GALR1: variants seen among roughly 807,000 people sequenced by gnomAD.
GALR1 encodes the protein galanin receptor type 1.
Under a neutral mutation model 17.9 loss-of-function variants are expected in GALR1, and 11 were observed. The ratio of observed to expected loss-of-function variants is 0.62; its 90% CI spans 0.39 to 1.02. The LOEUF is 1.02. Ranked by LOEUF, GALR1 falls within the 50% of genes least tolerant of loss-of-function variation. The pLI is 0.01. For missense variants in GALR1, 441 were observed against 456.9 expected (o/e 0.97, Z 0.32); for synonymous variants, 206 against 205.7 (o/e 1.00, Z -0.01).
In GALR1 at chr18:77,270,200, T is replaced by G. The variant is rs1350304925; in HGVS notation, c.*1298T>G. On this transcript the variant is annotated 3_prime_UTR_variant, in exon 3 of 3. Transcript: ENST00000299727. ...TTAGGAGGCAACAAAAGCAAGAAGT[T>G]TTTTTTTTGTTTGTTTGTTAAAAAG... The G allele has an allele frequency of 6.6e-6, 1 of 151,376 alleles. No individual in the cohort carries two copies. The highest frequency in any genetic ancestry group is 1.9e-4 in the East Asian group (1 of 5,188). The allele number at this position is 151,376 out of a possible 1,614,324, so 9.4% of individuals were successfully genotyped here.
At chr18:77,252,980 T>TCACCACCAC (rs1912494442) in intron 1 of GALR1, among the ~76,000 whole-genome samples, 1 of 23,038 alleles carries the variant, frequency 4.3e-5, no homozygotes, top group Non-Finnish European at 8.9e-5. Context: ...ATCACCACCA[T>TCACCACCAC]CACCACCATC....
In GALR1 at chr18:77,256,239, A is replaced by G; in HGVS notation, c.732+16A>G. On this transcript the variant is annotated intron_variant, in intron 2 of 2. Coordinates refer to ENST00000299727, the MANE Select transcript of GALR1 (RefSeq NM_001480.4). ...CAAGAAAAAGGTAATGATCACAAAT[A>G]TATATATATATGTTACTTTTCAGAG... 7.4e-7 allele frequency: 1 copy of G among 1,345,204 alleles called. No homozygotes were observed. The highest frequency in any genetic ancestry group is 1.7e-5 in the Admixed American group (1 of 58,252). The allele number at this position is 1,345,204 out of a possible 1,614,324, so 83.3% of individuals were successfully genotyped here. A position where few individuals can be genotyped will look rare whatever the true frequency, so the allele number is the denominator to read the frequency against.
In GALR1 at chr18:77,259,188, T is replaced by C. The variant is rs370931696; in HGVS notation, c.732+2965T>C. On this transcript the variant is annotated intron_variant, in intron 2 of 2. Coordinates refer to ENST00000299727, the MANE Select transcript of GALR1 (RefSeq NM_001480.4). ...ATGGTGGTGATGATGGTGGTGATGA[T>C]GGTGGTGATGATGGTGGTCATGGTG... Among the ~76,000 whole-genome samples, 24 of 4,838 alleles carry C rather than the reference T, an allele frequency of 5.0e-3. 9 individuals carry two copies. The highest frequency in any genetic ancestry group is 0.14 in the East Asian group (2 of 14). The allele number at this position is 4,838 out of a possible 152,430, so 3.2% of individuals were successfully genotyped here.
intron 2 of GALR1, 23 bp from the exon 3 acceptor site, chr18:77,268,562 C>T (rs1599365352): frequency 3.3e-6 from 5 of 1,528,536 alleles, no homozygotes; most frequent in Non-Finnish European, 4.5e-6. Flanking sequence ...CCTCCTCCTC[C>T]TCCTCCTCTT....
At position 77,258,391 on chromosome 18, in the gene GALR1, T is replaced by C. The variant is rs528026119; in HGVS notation, c.732+2168T>C. ...AGCTACTGAACAGATGTCAGATCTT[T>C]GTTGATGTATTTAATTGCCTCCTTG... On this transcript the variant is annotated intron_variant, in intron 2 of 2. Transcript: ENST00000299727. Among the ~76,000 whole-genome samples the C allele has an allele frequency of 1.2e-3, 175 of 151,900 alleles. 1 individual carries two copies. Among genetic ancestry groups the C allele is most frequent in the African/African-American group, 4.1e-3 (168 of 41,180 alleles).
In GALR1 at chr18:77,250,038, A is replaced by C. The variant is rs1912354123; in HGVS notation, c.-511A>C. On this transcript the variant is annotated 5_prime_UTR_variant, in exon 1 of 3. Transcript: ENST00000299727. ...GGGATGCGCGGGGAGCCTTCTCTGCAGGAGCCGCACAGTGCACTGCTGCGC... is the reference window on the plus strand; with the variant it reads ...GGGATGCGCGGGGAGCCTTCTCTGCCGGAGCCGCACAGTGCACTGCTGCGC... 6.6e-6 allele frequency among the ~76,000 whole-genome samples: 1 copy of C among 152,272 alleles called. No homozygotes were observed. The highest frequency in any genetic ancestry group is 2.4e-5 in the African/African-American group (1 of 41,560).
intron 2 of GALR1, among the ~76,000 whole-genome samples, chr18:77,262,138 A>G (rs542213947): frequency 6.6e-6 from 1 of 151,916 alleles, no homozygotes; most frequent in South Asian, 2.1e-4. Flanking sequence ...TGAGCTTTTT[A>G]AAAAGGCAGA....
intron 2 of GALR1, among the ~76,000 whole-genome samples, chr18:77,258,600 GTCATGGTGGTGATGGTGGTGGTGGTGA>G (rs1912657716): frequency 1.1e-5 from 1 of 93,790 alleles, no homozygotes; most frequent in Admixed American, 1.1e-4. Flanking sequence ...GATGGTGGTG[GTCATGGTGGTGATGGTGGTGGTGGTGA>G]TGGTGGTGAT....
At position 77,268,541 on chromosome 18, in the gene GALR1, C is replaced by T. The variant is rs533693424; in HGVS notation, c.733-44C>T. ...TTCCTTCCTTCTTCTTCTCCCTTAC[C>T]GCCTCCTCCTCCTCCTCCTCCTCCT... On this transcript the variant is annotated intron_variant, in intron 2 of 2. Transcript: ENST00000299727. The T allele has an allele frequency of 8.7e-6, 12 of 1,384,900 alleles. No individual in the cohort carries two copies. In the East Asian group the frequency reaches 1.2e-4, roughly 13 times the overall value. 85.8% of individuals were successfully genotyped at this position (1,384,900 alleles called of 1,614,324 possible).
intron 1 of GALR1, among the ~76,000 whole-genome samples, chr18:77,254,576 C>T (rs758898431): frequency 1.4e-4 from 22 of 152,200 alleles, no homozygotes; most frequent in Non-Finnish European, 2.8e-4. Context: ...TCCTCAGTGA[C>T]CAGTGTTGTC....
At chr18:77,252,905 C>T (rs5003388) in intron 1 of GALR1, among the ~76,000 whole-genome samples, 5,098 of 30,028 alleles carry the variant, frequency 0.17, 126 homozygotes, top group Non-Finnish European at 0.2. Flanking sequence ...ATCACCACCA[C>T]CACCACCACC....
intron 2 of GALR1, among the ~76,000 whole-genome samples, chr18:77,258,738 T>G (rs111211719): frequency 8.9e-6 from 1 of 112,634 alleles, no homozygotes; most frequent in East Asian, 2.9e-4. Flanking sequence ...GTGATGGTGA[T>G]GATGGTTATG....
intron 2 of GALR1, among the ~76,000 whole-genome samples, chr18:77,261,543 G>A (rs184198229): frequency 6.8e-4 from 103 of 152,288 alleles, no homozygotes; most frequent in Admixed American, 6.5e-3. Flanking sequence ...ATAAACAACG[G>A]AAATGTATTT....
chr18:77,256,696 C>T (rs1170244200), intron 2 of GALR1, among the ~76,000 whole-genome samples: 2 of 152,196 alleles, frequency 1.3e-5, no homozygotes, highest in African/African-American at 4.8e-5. Flanking sequence ...GCCATTCTTG[C>T]CTCTTTCACC....
At chr18:77,264,133 CAAAAAAAAAAAAAAAAA>C (rs56102250) in intron 2 of GALR1, among the ~76,000 whole-genome samples, 3 of 57,218 alleles carry the variant, frequency 5.2e-5, no homozygotes, top group South Asian at 1.1e-3. Context: ...GACTCCATCT[CAAAAAAAAAAAAAAAAA>C]AAAAAAAAAA....
chr18:77,251,130 T>C lies in GALR1; in HGVS notation c.582T>C (p.Pro194=). The C allele has an allele frequency of 6.2e-7, 1 of 1,613,086 alleles. No homozygotes were observed. The highest frequency in any genetic ancestry group is 8.5e-7 in the Non-Finnish European group (1 of 1,179,926). ...TCTGCTGGGAGCAGTGGCCCGACCC[T>C]CGCCACAAGAAGGCCTACGTGGTGT... ...QTFCWEQWPD[P]RHKKAYVVCT... is the part of the protein sequence containing the mutation. The change falls in exon 1 of 3, where the codon CCT becomes CCC. Residue 194 remains proline, a synonymous_variant. Coordinates refer to ENST00000299727, the MANE Select transcript of GALR1 (RefSeq NM_001480.4).
intron 2 of GALR1, among the ~76,000 whole-genome samples, chr18:77,267,701 A>C (rs1177792305): frequency 6.6e-6 from 1 of 152,246 alleles, no homozygotes. Flanking sequence ...TTTTCTTTGA[A>C]TCCAAAGACA....
At chr18:77,257,776 T>C (rs1912624474) in intron 2 of GALR1, among the ~76,000 whole-genome samples, 1 of 152,092 alleles carries the variant, frequency 6.6e-6, no homozygotes. Context: ...ATGGAAGAGA[T>C]CAATGTGTGA....
In GALR1 at chr18:77,250,958, T is replaced by A; in HGVS notation, c.410T>A (p.Ile137Asn). 6.2e-7 allele frequency: 1 copy of A among 1,604,180 alleles called. No homozygotes were observed. The highest frequency in any genetic ancestry group is 8.5e-7 in the Non-Finnish European group (1 of 1,179,952). The change falls in exon 1 of 3, where the codon ATC (isoleucine) becomes AAC (asparagine). Residue 137 changes from isoleucine (I) to asparagine (N), a missense_variant. Physicochemically the swap from Ile to Asn is moderately radical, Grantham distance 149 (BLOSUM62 -3). Coordinates refer to ENST00000299727, the MANE Select transcript of GALR1 (RefSeq NM_001480.4). ...AAMSVDRYVA[I>N]VHSRRSSSLR... ...ATGTCCGTGGACCGCTACGTGGCCA[T>A]CGTGCACTCGCGGCGCTCCTCCTCC...
Sources: gnomAD v4.1 joint callset for allele counts (sites outside exome capture counted in the v4.1 genomes callset) on GRCh38, gnomAD v4.1.1 for gene constraint, MANE v1.5 for transcripts, NCBI Gene and HGNC (gene_info 2026-07-23, HGNC 2026-07-21) for gene names.